AP3B1: variants seen among roughly 807,000 people sequenced by gnomAD.
The protein encoded by AP3B1 is AP-3 complex subunit beta-1.
AP3B1 carries 61 observed loss-of-function variants against 132.5 expected under a neutral mutation model. The ratio of observed to expected loss-of-function variants is 0.46; its 90% CI spans 0.37 to 0.57. AP3B1 has a LOEUF of 0.57. Among genes scored for constraint, AP3B1 ranks in the 20% least tolerant of loss-of-function variants. The pLI is 0.00. For synonymous variants in AP3B1, 388 were observed against 438.3 expected (o/e 0.89, Z 1.43); for missense variants, 1,120 against 1,289.4 (o/e 0.87, Z 2.01).
rs114568768 is a variant in AP3B1, at chr5:78,013,601, C to T, written c.3131+1809G>A. ...TGGTGTTTTAGTAAATTCAATAATT[C>T]CAAGGACCCATAAATAAAACAAAAC... is the stretch of plus-strand genomic sequence containing the variant. On this transcript the variant is annotated intron_variant, in intron 26 of 26. Coordinates refer to ENST00000255194, the MANE Select transcript of AP3B1 (RefSeq NM_003664.5). Among the ~76,000 whole-genome samples the T allele has an allele frequency of 2.4e-3, 358 of 152,166 alleles. 2 individuals are homozygous for T. Among genetic ancestry groups the T allele is most frequent in the Admixed American group, 5.4e-3 (83 of 15,292 alleles).
At chr5:78,095,386 T>G (rs1293296692) in intron 21 of AP3B1, among the ~76,000 whole-genome samples, 1 of 152,192 alleles carries the variant, frequency 6.6e-6, no homozygotes, top group Non-Finnish European at 1.5e-5. Flanking sequence ...ATTCTCACAG[T>G]TGAGAACTAA....
At chr5:78,045,019 C>T (rs191764629) in intron 22 of AP3B1, among the ~76,000 whole-genome samples, 41 of 152,282 alleles carry the variant, frequency 2.7e-4, no homozygotes, top group Admixed American at 2.3e-3. Flanking sequence ...CACTCTTTCA[C>T]AATAAACAGG....
intron 19 of AP3B1, among the ~76,000 whole-genome samples, chr5:78,110,995 T>G (rs374779096): frequency 6.6e-6 from 1 of 151,980 alleles, no homozygotes; most frequent in Admixed American, 6.6e-5. Context: ...TGGGCTCGAG[T>G]AGTCCTCCCA....
chr5:78,002,698 T>C lies in AP3B1; in HGVS notation c.*204A>G, dbSNP rs1746234955. Reference sequence around the variant, plus strand: ...ACAACTGACAGTAAAATATATGCTCTTTGGTTAGCAAAGCAAAAAGGGGGA... The same window carrying C: ...ACAACTGACAGTAAAATATATGCTCCTTGGTTAGCAAAGCAAAAAGGGGGA... On this transcript the variant is annotated 3_prime_UTR_variant, in exon 27 of 27. Coordinates refer to ENST00000255194, the MANE Select transcript of AP3B1 (RefSeq NM_003664.5). 1.5e-6 allele frequency: 1 copy of C among 649,818 alleles called. No individual in the cohort carries two copies. Among genetic ancestry groups the C allele is most frequent in the African/African-American group, 1.8e-5 (1 of 55,114 alleles). The allele number at this position is 649,818 out of a possible 1,614,324, so 40.3% of individuals were successfully genotyped here.
intron 20 of AP3B1, among the ~76,000 whole-genome samples, chr5:78,106,596 G>A (rs1751349593): frequency 6.6e-6 from 1 of 152,206 alleles, no homozygotes; most frequent in Admixed American, 6.5e-5. Flanking sequence ...ATATCCATCT[G>A]GCAGTTGTAT....
At chr5:78,212,695 C>T (rs148706587) in intron 7 of AP3B1, among the ~76,000 whole-genome samples, 17 of 152,182 alleles carry the variant, frequency 1.1e-4, no homozygotes, top group Middle Eastern at 3.4e-3. Flanking sequence ...CTCAGGAATG[C>T]CTCTGCTAGA....
chr5:78,286,599 T>C (rs1749292798), intron 1 of AP3B1, among the ~76,000 whole-genome samples: 1 of 152,184 alleles, frequency 6.6e-6, no homozygotes, highest in Non-Finnish European at 1.5e-5. Flanking sequence ...TAAAATTATA[T>C]TCTTTAGAAA....
chr5:78,220,432 T>C (rs527415144), intron 6 of AP3B1, among the ~76,000 whole-genome samples: 41 of 151,724 alleles, frequency 2.7e-4, no homozygotes, highest in African/African-American at 9.7e-4. Flanking sequence ...TCCAGATAAC[T>C]ATTTTCATGC....
intron 7 of AP3B1, among the ~76,000 whole-genome samples, chr5:78,212,331 T>C (rs1299375028): frequency 6.6e-6 from 1 of 152,130 alleles, no homozygotes; most frequent in Non-Finnish European, 1.5e-5. Flanking sequence ...TGATAAGCCA[T>C]TAAGTATAAA....
At chr5:78,224,341 G>A (rs1185813611) in intron 6 of AP3B1, among the ~76,000 whole-genome samples, 1 of 151,416 alleles carries the variant, frequency 6.6e-6, no homozygotes, top group Non-Finnish European at 1.5e-5. Flanking sequence ...CCATGTATAA[G>A]ACAATATTTT....
chr5:78,012,745 G>A (rs1467254541), intron 26 of AP3B1, among the ~76,000 whole-genome samples: 1 of 152,228 alleles, frequency 6.6e-6, no homozygotes, highest in Admixed American at 6.5e-5. Flanking sequence ...CTGTGGATGA[G>A]TATGAGGACC....
At chr5:78,163,876 C>G (rs1284649811) in intron 12 of AP3B1, among the ~76,000 whole-genome samples, 1 of 151,652 alleles carries the variant, frequency 6.6e-6, no homozygotes, top group Non-Finnish European at 1.5e-5. Flanking sequence ...AGGTCATTTA[C>G]AATCGAAATT....
intron 13 of AP3B1, among the ~76,000 whole-genome samples, 180 bp from the exon 14 acceptor site, chr5:78,156,547 T>C (rs1156942410): frequency 6.6e-6 from 1 of 152,222 alleles, no homozygotes; most frequent in Non-Finnish European, 1.5e-5. Flanking sequence ...CTGTCTTAAC[T>C]AGGAGAGTTA....
intron 17 of AP3B1, among the ~76,000 whole-genome samples, chr5:78,117,436 A>G (rs1234888953): frequency 1.3e-5 from 2 of 151,712 alleles, no homozygotes; most frequent in Non-Finnish European, 2.9e-5. Flanking sequence ...CATCCTCCCA[A>G]GTAGCTGGGA....
At chr5:78,058,216 T>C (rs1025395330) in intron 22 of AP3B1, among the ~76,000 whole-genome samples, 1 of 152,188 alleles carries the variant, frequency 6.6e-6, no homozygotes, top group Admixed American at 6.5e-5. Context: ...GAAGTGCTAT[T>C]ATAGGCCGGA....
rs189136315 is a variant in AP3B1 at position 78,072,473 on chromosome 5, G to C, written c.2577+16920C>G. 1.4e-4 allele frequency among the ~76,000 whole-genome samples: 21 copies of C among 152,108 alleles called. No individual in the cohort carries two copies. The East Asian group carries it at 3.9e-3, about 28-fold the overall frequency. ...GCTTTTAAATCTCTCTTAATCTAAA[G>C]GTATATGCCTTCTGAATTGGAATTT... On this transcript the variant is annotated intron_variant, in intron 22 of 26. Transcript: ENST00000255194.
At chr5:78,255,731 GA>G (rs1234597720) in intron 2 of AP3B1, among the ~76,000 whole-genome samples, 1 of 151,958 alleles carries the variant, frequency 6.6e-6, no homozygotes, top group Non-Finnish European at 1.5e-5. Flanking sequence ...CTGCACTATA[GA>G]CAAAAATGAA....
chr5:78,279,907 A>AATATATATATATGACTTAAATATATATAT (rs1554035367), intron 1 of AP3B1, among the ~76,000 whole-genome samples: 7 of 114,354 alleles, frequency 6.1e-5, no homozygotes, highest in South Asian at 5.9e-4. Flanking sequence ...ATATGACTTA[A>AATATATATATATGACTTAAATATATATAT]ATATATATAT....
intron 24 of AP3B1, among the ~76,000 whole-genome samples, chr5:78,029,210 C>T (rs746258744): frequency 1.3e-5 from 2 of 152,082 alleles, no homozygotes; most frequent in Admixed American, 6.5e-5. Context: ...TTGACAATTT[C>T]TCCTAGTATT....
Sources: gnomAD v4.1 joint callset for allele counts (sites outside exome capture counted in the v4.1 genomes callset) on GRCh38, gnomAD v4.1.1 for gene constraint, MANE v1.5 for transcripts, NCBI Gene and HGNC (gene_info 2026-07-23, HGNC 2026-07-21) for gene names.